TRIM33: variants seen among roughly 807,000 people sequenced by gnomAD.
The protein encoded by TRIM33 is tripartite motif containing 33.
Under a neutral mutation model 125.4 loss-of-function variants are expected in TRIM33, and 20 were observed. That is an observed-to-expected ratio of 0.16 (90% CI 0.11 to 0.23). TRIM33 has a LOEUF of 0.23. Among genes scored for constraint, TRIM33 ranks in the 10% least tolerant of loss-of-function variants. TRIM33 has a pLI of 1.00. For synonymous variants in TRIM33, 564 were observed against 513.9 expected, an observed-to-expected ratio of 1.10 and a Z score of -1.32; for missense variants, 920 against 1,411.4, an observed-to-expected ratio of 0.65 and a Z score of 5.58.
intron 1 of TRIM33, among the ~76,000 whole-genome samples, chr1:114,493,245 G>A (rs1205790341): frequency 6.6e-6 from 1 of 152,028 alleles, no homozygotes; most frequent in African/African-American, 2.4e-5. Context: ...TTTTAATTGG[G>A]TTGTCTTTAT....
intron 10 of TRIM33, among the ~76,000 whole-genome samples, 199 bp from the exon 11 acceptor site, chr1:114,421,835 A>T (rs1487322147): frequency 1.3e-5 from 2 of 152,192 alleles, no homozygotes; most frequent in African/African-American, 4.8e-5. Context: ...AGGGAAAGGC[A>T]GACTTGCCAA....
chr1:114,406,785 A>T (rs1173272957), intron 14 of TRIM33, among the ~76,000 whole-genome samples, 156 bp downstream of exon 14: 7 of 152,266 alleles, frequency 4.6e-5, no homozygotes, highest in Non-Finnish European at 1.0e-4. Context: ...TAGACAAAAA[A>T]GTTGAGTTAG....
chr1:114,401,246 T>C, intron 17 of TRIM33, 143 bp downstream of exon 17: 1 of 453,602 alleles, frequency 2.2e-6, no homozygotes, highest in East Asian at 4.5e-5. Flanking sequence ...CCGTGGTCTC[T>C]ATTTCCTGAC....
Position 114,395,527 on chromosome 1 carries a change from C to A in TRIM33, c.*2121G>T, listed in dbSNP as rs1651495819. 5.0e-6 allele frequency: 1 copy of A among 201,706 alleles called. No homozygotes were observed. The highest frequency in any genetic ancestry group is 2.3e-5 in the African/African-American group (1 of 43,620). 12.5% of individuals were successfully genotyped at this position (201,706 alleles called of 1,614,324 possible). On this transcript the variant is annotated 3_prime_UTR_variant, in exon 20 of 20. Coordinates refer to ENST00000358465, the MANE Select transcript of TRIM33 (RefSeq NM_015906.4). The stretch of plus-strand genomic sequence containing the variant: ...AAAATATTAGAACTCAAAGGCCTGA[C>A]AAAATGAAGTTATACTGCTGCTATT...
intron 4 of TRIM33, among the ~76,000 whole-genome samples, chr1:114,453,211 A>C (rs1649422092): frequency 6.6e-6 from 1 of 151,972 alleles, no homozygotes; most frequent in Admixed American, 6.6e-5. Flanking sequence ...TAAAAATACA[A>C]AAATTAGCCA....
At chr1:114,436,672 C>T (rs1166289940) in intron 4 of TRIM33, among the ~76,000 whole-genome samples, 1 of 152,000 alleles carries the variant, frequency 6.6e-6, no homozygotes, top group Non-Finnish European at 1.5e-5. Context: ...GCCATGTTGG[C>T]CGGGCTGATC....
intron 4 of TRIM33, among the ~76,000 whole-genome samples, chr1:114,439,460 C>T (rs1572056510): frequency 1.0e-5 from 1 of 99,470 alleles, no homozygotes; most frequent in South Asian, 4.1e-4. Flanking sequence ...CAGAGAGAGA[C>T]TCTGTATCAA....
Position 114,511,115 on chromosome 1 carries a change from C to CCGCCGCCCGCGT in TRIM33, c.-51_-40dup. The CCGCCGCCCGCGT allele has an allele frequency of 8.8e-7, 1 of 1,132,402 alleles. No individual in the cohort carries two copies. The highest frequency in any genetic ancestry group is 1.1e-6 in the Non-Finnish European group (1 of 927,636). The allele number at this position is 1,132,402 out of a possible 1,614,324, so 70.1% of individuals were successfully genotyped here. A position where few individuals can be genotyped will look rare whatever the true frequency, so the allele number is the denominator to read the frequency against. On this transcript the variant is annotated 5_prime_UTR_variant, in exon 1 of 20. Coordinates refer to ENST00000358465, the MANE Select transcript of TRIM33 (RefSeq NM_015906.4). ...AACCCGCCGGACCGCCCCGCGCCGC[C>CCGCCGCCCGCGT]CGCCGCCCGCGTCGCCGCCGCCGCC...
intron 4 of TRIM33, among the ~76,000 whole-genome samples, chr1:114,443,796 G>T (rs1648808738): frequency 6.6e-6 from 1 of 151,888 alleles, no homozygotes; most frequent in Non-Finnish European, 1.5e-5. Context: ...CACTTTGGGG[G>T]CCAAGGCAGG....
intron 1 of TRIM33, among the ~76,000 whole-genome samples, chr1:114,465,722 T>C (rs760450355): frequency 1.3e-5 from 2 of 152,100 alleles, no homozygotes; most frequent in African/African-American, 4.8e-5. Context: ...ATTTCCTCTT[T>C]ATTTTACCAA....
chr1:114,489,266 A>G (rs778613048), intron 1 of TRIM33, among the ~76,000 whole-genome samples: 8 of 152,222 alleles, frequency 5.3e-5, no homozygotes, highest in Non-Finnish European at 1.2e-4. Context: ...TTACCTCACA[A>G]ACAAATTTCA....
chr1:114,480,062 G>A (rs1316388882), intron 1 of TRIM33, among the ~76,000 whole-genome samples: 1 of 152,364 alleles, frequency 6.6e-6, no homozygotes, highest in African/African-American at 2.4e-5. Context: ...GGGAAAGATA[G>A]AGAAATCAGA....
At chr1:114,489,019 C>A (rs1399949039) in intron 1 of TRIM33, among the ~76,000 whole-genome samples, 2 of 152,184 alleles carry the variant, frequency 1.3e-5, no homozygotes, top group Non-Finnish European at 2.9e-5. Flanking sequence ...CACTGCACTA[C>A]AGCCTGGGTG....
chr1:114,407,057 A>G lies in TRIM33; in HGVS notation c.2302T>C (p.Phe768Leu). 6.2e-7 allele frequency: 1 copy of G among 1,613,932 alleles called. No homozygotes were observed. The highest frequency in any genetic ancestry group is 8.5e-7 in the Non-Finnish European group (1 of 1,179,874). The change falls in exon 14 of 20, where the codon TTC becomes CTC. Residue 768 changes from phenylalanine to leucine, a missense_variant. This residue lies in a region of TRIM33 where 407 missense variants were observed against 589.7 expected (regional missense o/e 0.69). Coordinates refer to ENST00000358465, the MANE Select transcript of TRIM33 (RefSeq NM_015906.4). ...TTGACCTTCACCTGATCAGATTTGA[A>G]ACTAAGACTTGTCTTCTCAGCAGTT... ...GRTAEKTSLS[F>L]KSDQVKVKQE...
chr1:114,458,598 A>C (rs747196727), intron 4 of TRIM33, among the ~76,000 whole-genome samples: 10 of 152,144 alleles, frequency 6.6e-5, no homozygotes, highest in Non-Finnish European at 1.5e-4. Flanking sequence ...ACTATCCTTT[A>C]AAAACCCTCA....
chr1:114,502,660 C>T (rs963972890), intron 1 of TRIM33, among the ~76,000 whole-genome samples: 1 of 152,096 alleles, frequency 6.6e-6, no homozygotes, highest in East Asian at 1.9e-4. Context: ...GCGCACACCA[C>T]CACACTCGGA....
chr1:114,424,982 C>T (rs1442718113), intron 9 of TRIM33, among the ~76,000 whole-genome samples: 2 of 152,098 alleles, frequency 1.3e-5, no homozygotes, highest in Admixed American at 1.3e-4. Context: ...TGTTCCCCCT[C>T]TTTTTCTCTA....
rs566373588 is a variant in TRIM33, at chr1:114,452,628, G to C, written c.923+10476C>G. Among the ~76,000 whole-genome samples, 6 of 151,722 alleles carry C rather than the reference G, an allele frequency of 4.0e-5. No homozygotes were observed. The South Asian group carries it at 8.3e-4, about 21-fold the overall frequency. On this transcript the variant is annotated intron_variant, in intron 4 of 19. Transcript: ENST00000358465. ...GAAGAGATGGGAGCTGGGTGCAGTG[G>C]CTTATAAGTGTAATCCCAACAATTT... is the stretch of plus-strand genomic sequence containing the variant.
At chr1:114,508,050 G>A (rs1653105420) in intron 1 of TRIM33, among the ~76,000 whole-genome samples, 1 of 152,160 alleles carries the variant, frequency 6.6e-6, no homozygotes, top group Admixed American at 6.5e-5. Flanking sequence ...CTGGGAGGCA[G>A]AGGCTGCAGT....
Sources: allele counts gnomAD v4.1 joint callset (sites outside exome capture counted in the v4.1 genomes callset), GRCh38; gene constraint gnomAD v4.1.1; regional missense constraint gnomAD v4.1.1; transcripts MANE v1.5; gene names NCBI Gene and HGNC (gene_info 2026-07-23, HGNC 2026-07-21).